NPAS3: variants seen among roughly 807,000 people sequenced by gnomAD.
NPAS3 encodes the protein neuronal PAS domain protein 3.
In NPAS3, 14 loss-of-function variants were observed where a neutral mutation model predicts 73.1. That is an observed-to-expected ratio of 0.19 (90% confidence interval 0.13 to 0.30). The LOEUF (loss-of-function observed/expected upper bound fraction) is 0.30. Ranked by LOEUF, NPAS3 falls within the 10% of genes least tolerant of loss-of-function variation. The probability of loss-of-function intolerance (pLI) is 1.00; values close to 1 mark genes in which losing one functional copy is unlikely to be tolerated. For missense variants in NPAS3, 1,096 were observed against 1,250.0 expected (o/e 0.88, Z 1.86); for synonymous variants, 620 against 541.5 (o/e 1.14, Z -2.01).
chr14:33,745,684 C>A (rs1331983283), intron 7 of NPAS3, among the ~76,000 whole-genome samples: 1 of 152,180 alleles, frequency 6.6e-6, no homozygotes, highest in Admixed American at 6.5e-5. Flanking sequence ...AGTAATTCAT[C>A]AGTAATATTT....
chr14:33,769,834 G>A (rs558658447), intron 7 of NPAS3, among the ~76,000 whole-genome samples: 1 of 126,118 alleles, frequency 7.9e-6, no homozygotes, highest in East Asian at 2.8e-4. Flanking sequence ...GCGGAATCAC[G>A]GCTCACTGCA....
chr14:33,090,903 A>G (rs1042263694), intron 2 of NPAS3, among the ~76,000 whole-genome samples: 31 of 152,374 alleles, frequency 2.0e-4, no homozygotes, highest in Middle Eastern at 6.8e-3. Context: ...ACTACTGGGT[A>G]CATAACGAAA....
intron 1 of NPAS3, among the ~76,000 whole-genome samples, chr14:32,980,327 G>A (rs2037846313): frequency 6.6e-6 from 1 of 152,094 alleles, no homozygotes; most frequent in South Asian, 2.1e-4. Flanking sequence ...GCTTTGAAAA[G>A]GTTTGACTTA....
At chr14:33,792,926 T>C (rs938129495) in intron 9 of NPAS3, among the ~76,000 whole-genome samples, 14 of 152,190 alleles carry the variant, frequency 9.2e-5, no homozygotes, top group African/African-American at 3.4e-4. Flanking sequence ...CGCAGCCAAG[T>C]AATAACAGCA....
intron 1 of NPAS3, among the ~76,000 whole-genome samples, chr14:32,991,470 A>G (rs889550189): frequency 6.6e-6 from 1 of 152,154 alleles, no homozygotes; most frequent in African/African-American, 2.4e-5. Context: ...AAGCTGTACA[A>G]GGTAGTGGTC....
At chr14:33,414,119 C>T (rs1316199819) in intron 4 of NPAS3, among the ~76,000 whole-genome samples, 2 of 152,050 alleles carry the variant, frequency 1.3e-5, no homozygotes, top group Non-Finnish European at 2.9e-5. Context: ...CATTTTACTT[C>T]TGCTTTCAGG....
chr14:33,703,240 C>G lies in NPAS3; in HGVS notation c.733+26855C>G, dbSNP rs1028271931. On this transcript the variant is annotated intron_variant, in intron 6 of 11. Transcript: ENST00000356141. ...CAGTGGCTTATTCCCATGATCCAAT[C>G]ACTTTTGGAGGGTGAGGTGGGATTG... Among the ~76,000 whole-genome samples the G allele has an allele frequency of 2.0e-5, 3 of 152,218 alleles. No homozygotes were observed. The East Asian group carries it at 5.8e-4, about 29-fold the overall frequency.
At chr14:33,193,582 A>G (rs1355519856) in intron 2 of NPAS3, among the ~76,000 whole-genome samples, 2 of 152,200 alleles carry the variant, frequency 1.3e-5, no homozygotes. Context: ...TTCTATCTGA[A>G]AAGTATTTAA....
intron 4 of NPAS3, among the ~76,000 whole-genome samples, chr14:33,442,204 C>G (rs2049281165): frequency 2.0e-5 from 3 of 152,110 alleles, no homozygotes; most frequent in Admixed American, 2.0e-4. Context: ...AAAAATGATA[C>G]TAGCTATTTA....
chr14:33,304,446 G>T (rs2042677596), intron 3 of NPAS3, among the ~76,000 whole-genome samples: 1 of 151,450 alleles, frequency 6.6e-6, no homozygotes, highest in Non-Finnish European at 1.5e-5. Context: ...TATCAAACAT[G>T]GCACACATGC....
chr14:33,180,418 A>T (rs1352248706), intron 2 of NPAS3, among the ~76,000 whole-genome samples: 1 of 152,168 alleles, frequency 6.6e-6, no homozygotes, highest in African/African-American at 2.4e-5. Flanking sequence ...TGCGTTTTTT[A>T]TTAGCAATGT....
At chr14:33,275,835 A>G (rs2041304018) in intron 3 of NPAS3, among the ~76,000 whole-genome samples, 1 of 152,226 alleles carries the variant, frequency 6.6e-6, no homozygotes, top group East Asian at 1.9e-4. Context: ...TCAAAACATA[A>G]TTTCACAAAT....
intron 1 of NPAS3, among the ~76,000 whole-genome samples, chr14:32,982,562 A>T (rs2139409290): frequency 6.6e-6 from 1 of 152,230 alleles, no homozygotes; most frequent in African/African-American, 2.4e-5. Flanking sequence ...GAAAAAAAAA[A>T]TCTCTATCTG....
At chr14:33,015,669 T>C (rs2039365827) in intron 1 of NPAS3, among the ~76,000 whole-genome samples, 2 of 152,182 alleles carry the variant, frequency 1.3e-5, no homozygotes, top group Admixed American at 1.3e-4. Flanking sequence ...CTCACACATA[T>C]ATACACACAC....
intron 1 of NPAS3, among the ~76,000 whole-genome samples, chr14:33,029,972 C>A (rs2039934007): frequency 6.6e-6 from 1 of 152,196 alleles, no homozygotes; most frequent in Non-Finnish European, 1.5e-5. Flanking sequence ...CCCAATTAAA[C>A]TGTTGATTCA....
At chr14:33,153,334 T>C (rs1007399087) in intron 2 of NPAS3, among the ~76,000 whole-genome samples, 2 of 152,198 alleles carry the variant, frequency 1.3e-5, no homozygotes, top group Non-Finnish European at 2.9e-5. Context: ...TGAACTGGGC[T>C]TGTTGAAATT....
At chr14:33,085,087 A>G (rs12147529) in intron 2 of NPAS3, among the ~76,000 whole-genome samples, 64,677 of 152,038 alleles carry the variant, frequency 0.43, 15,891 homozygotes, top group Middle Eastern at 0.62. Flanking sequence ...ATGAATATGG[A>G]CATTATTCTG....
At chr14:33,394,571 G>T (rs1421943793) in intron 4 of NPAS3, among the ~76,000 whole-genome samples, 1 of 152,194 alleles carries the variant, frequency 6.6e-6, no homozygotes, top group Middle Eastern at 3.4e-3. Flanking sequence ...TTAATAGCTA[G>T]AACTTTTTTA....
chr14:33,755,723 G>C (rs950937296), intron 7 of NPAS3, among the ~76,000 whole-genome samples: 1 of 152,116 alleles, frequency 6.6e-6, no homozygotes, highest in Non-Finnish European at 1.5e-5. Flanking sequence ...ACCAGAGGCT[G>C]GGTATTTTAT....
Sources: gnomAD v4.1 joint callset for allele counts (sites outside exome capture counted in the v4.1 genomes callset) on GRCh38, gnomAD v4.1.1 for gene constraint, MANE v1.5 for transcripts, NCBI Gene and HGNC (gene_info 2026-07-23, HGNC 2026-07-21) for gene names.